QSOX1: variants seen among roughly 807,000 people sequenced by gnomAD.
QSOX1 encodes sulfhydryl oxidase 1.
A neutral mutation model predicts 76.1 loss-of-function variants in QSOX1; 40 were observed. The ratio of observed to expected loss-of-function variants is 0.53; its 90% CI spans 0.41 to 0.68. The LOEUF (loss-of-function observed/expected upper bound fraction) is 0.68, where lower values mean the gene tolerates loss of function less well. Ranked by LOEUF, QSOX1 falls within the 30% of genes least tolerant of loss-of-function variation. The pLI is 0.00. For missense variants in QSOX1, 931 were observed against 974.3 expected, an observed-to-expected ratio of 0.96 and a Z score of 0.59; for synonymous variants, 392 against 413.1, an observed-to-expected ratio of 0.95 and a Z score of 0.62.
intron 2 of QSOX1, among the ~76,000 whole-genome samples, chr1:180,172,046 A>C (rs761620344): frequency 3.3e-5 from 5 of 152,192 alleles, no homozygotes; most frequent in Non-Finnish European, 7.4e-5. Context: ...GCCAGAGAGC[A>C]GTCTGAGGAG....
chr1:180,158,957 G>T (rs1335959139), intron 1 of QSOX1, among the ~76,000 whole-genome samples: 1 of 152,208 alleles, frequency 6.6e-6, no homozygotes, highest in East Asian at 1.9e-4. Context: ...AGCTCACGGT[G>T]CTGCAGCCAG....
chr1:180,170,158 C>T (rs142196774), intron 2 of QSOX1, among the ~76,000 whole-genome samples: 104 of 152,258 alleles, frequency 6.8e-4, no homozygotes, highest in African/African-American at 2.1e-3. Flanking sequence ...GAAGCAGGGA[C>T]GCCCTGTGAG....
At chr1:180,156,549 T>G (rs1019059272) in intron 1 of QSOX1, among the ~76,000 whole-genome samples, 4 of 152,222 alleles carry the variant, frequency 2.6e-5, no homozygotes, top group African/African-American at 9.6e-5. Context: ...GCTTGCAGAT[T>G]GGTTTCTGAA....
intron 7 of QSOX1, among the ~76,000 whole-genome samples, chr1:180,185,355 G>A (rs1394837391): frequency 6.6e-6 from 1 of 152,208 alleles, no homozygotes; most frequent in Non-Finnish European, 1.5e-5. Flanking sequence ...AAGAGACAGG[G>A]GAAGAGGCAC....
At chr1:180,162,245 C>G (rs1558183379) in intron 1 of QSOX1, among the ~76,000 whole-genome samples, 1 of 152,180 alleles carries the variant, frequency 6.6e-6, no homozygotes, top group Non-Finnish European at 1.5e-5. Flanking sequence ...GATTAAACAT[C>G]ATTTCTTGTT....
intron 11 of QSOX1, among the ~76,000 whole-genome samples, chr1:180,195,158 A>G (rs1205167226): frequency 1.3e-5 from 2 of 151,686 alleles, no homozygotes; most frequent in Non-Finnish European, 2.9e-5. Context: ...CCCTGCCACC[A>G]AATGCTCCAT....
At position 180,197,294 on chromosome 1, in the gene QSOX1, C is replaced by T. The variant is rs1186961660; in HGVS notation, c.*257C>T. The stretch of plus-strand genomic sequence containing the variant: ...CCCGGGCAGTGGGCATAGGGCAGCT[C>T]AGTCCCTGGCCTCTTAGCACCACAT... On this transcript the variant is annotated 3_prime_UTR_variant, in exon 12 of 12. Coordinates refer to ENST00000367602, the MANE Select transcript of QSOX1 (RefSeq NM_002826.5). The T allele has an allele frequency of 1.2e-6, 2 of 1,613,688 alleles. No individual in the cohort carries two copies. Among genetic ancestry groups the T allele is most frequent in the African/African-American group, 1.3e-5 (1 of 74,936 alleles).
At chr1:180,193,858 G>GCCAGGGGCTAGGT (rs1428351277) in intron 10 of QSOX1, among the ~76,000 whole-genome samples, 2 of 152,184 alleles carry the variant, frequency 1.3e-5, no homozygotes, top group African/African-American at 4.8e-5. Flanking sequence ...AGGGGCTAGG[G>GCCAGGGGCTAGGT]CGGTGGCCCT....
chr1:180,193,525 G>A (rs1239026607), intron 10 of QSOX1, among the ~76,000 whole-genome samples: 1 of 152,046 alleles, frequency 6.6e-6, no homozygotes, highest in African/African-American at 2.4e-5. Flanking sequence ...GTAGGAAGGA[G>A]CGAGCTTGGA....
intron 2 of QSOX1, among the ~76,000 whole-genome samples, chr1:180,169,283 G>A (rs1296705654): frequency 6.6e-6 from 1 of 152,210 alleles, no homozygotes; most frequent in Non-Finnish European, 1.5e-5. Flanking sequence ...TGGGCCTCAG[G>A]AGTGCCCTTC....
Position 180,196,575 on chromosome 1 carries a change from ACATGTG to A in QSOX1, c.1784_1789del (p.His595_Val596del), listed in dbSNP as rs773191661. On this transcript the variant is annotated inframe_deletion, in exon 12 of 12. Coordinates refer to ENST00000367602, the MANE Select transcript of QSOX1 (RefSeq NM_002826.5). This position sits in a 1 kb window ranked among gnomAD's most constrained non-coding sequence, Gnocchi z 4.1. The stretch of plus-strand genomic sequence containing the variant: ...TGAAGTCCCCCACAAACACCACCCC[ACATGTG>A]CCGGCTGAGGGACCTGAGGCAAGTC... The A allele has an allele frequency of 1.9e-6, 3 of 1,614,090 alleles. No homozygotes were observed. The South Asian group carries it at 3.3e-5, about 18-fold the overall frequency.
intron 2 of QSOX1, among the ~76,000 whole-genome samples, chr1:180,174,964 A>T (rs1218900172): frequency 6.6e-6 from 1 of 152,040 alleles, no homozygotes; most frequent in African/African-American, 2.4e-5. Context: ...AGCCTTGCCA[A>T]CACAGTGAAA....
chr1:180,196,128 T>A lies in QSOX1; in HGVS notation c.1469-134T>A. On this transcript the variant is annotated intron_variant, in intron 11 of 11. Coordinates refer to ENST00000367602, the MANE Select transcript of QSOX1 (RefSeq NM_002826.5). This position sits in a 1 kb window ranked among gnomAD's most constrained non-coding sequence, Gnocchi z 4.1. ...GTGTTTGTAATCTGTATTTTCTAATTACCCATCCTCTGGAAGGGCAGTGGC... is the reference window on the plus strand; with the variant it reads ...GTGTTTGTAATCTGTATTTTCTAATAACCCATCCTCTGGAAGGGCAGTGGC... The A allele has an allele frequency of 2.7e-6, 3 of 1,123,670 alleles. No individual in the cohort carries two copies. Among genetic ancestry groups the A allele is most frequent in the Non-Finnish European group, 3.7e-6 (3 of 800,608 alleles). The allele number at this position is 1,123,670 out of a possible 1,614,324, so 69.6% of individuals were successfully genotyped here.
At chr1:180,177,873 G>A (rs1662937907) in intron 4 of QSOX1, among the ~76,000 whole-genome samples, 1 of 87,016 alleles carries the variant, frequency 1.1e-5, no homozygotes, top group Non-Finnish European at 2.7e-5. Context: ...GTTTTGTTTT[G>A]TTTTGGATAT....
intron 2 of QSOX1, among the ~76,000 whole-genome samples, chr1:180,170,401 C>CCCAG (rs1220648629): frequency 1.3e-5 from 2 of 152,250 alleles, no homozygotes; most frequent in East Asian, 3.9e-4. Context: ...GGAGGCTGGA[C>CCCAG]CATTTTCCTT....
intron 2 of QSOX1, among the ~76,000 whole-genome samples, chr1:180,174,434 C>T (rs545764492): frequency 4.6e-5 from 7 of 152,326 alleles, no homozygotes; most frequent in South Asian, 4.1e-4. Context: ...CTCAGGTCCC[C>T]GCTTCAAGAG....
rs1408756293 is a variant in QSOX1, at chr1:180,183,795, T to C, written c.753-121T>C. On this transcript the variant is annotated intron_variant, in intron 6 of 11. Transcript: ENST00000367602. ...CACAGAGGACAAGATGGAATCTCGT[T>C]CACATATTTAATAAACCTTCCTGTC... The C allele has an allele frequency of 3.5e-6, 4 of 1,158,020 alleles. No individual in the cohort carries two copies. The South Asian group carries it at 4.5e-5, about 13-fold the overall frequency. 71.7% of individuals were successfully genotyped at this position (1,158,020 alleles called of 1,614,324 possible).
chr1:180,188,316 C>T lies in QSOX1; in HGVS notation c.1018-1236C>T, dbSNP rs1289965289. The stretch of plus-strand genomic sequence containing the variant: ...GTCCTGCCGGTGCCTTCCCACCCGG[C>T]CTCTCCCAGCCTGTGCTCCCTCCTG... On this transcript the variant is annotated intron_variant, in intron 8 of 11. Coordinates refer to ENST00000367602, the MANE Select transcript of QSOX1 (RefSeq NM_002826.5). Among the ~76,000 whole-genome samples the T allele has an allele frequency of 3.1e-4, 47 of 152,236 alleles. 1 individual carries two copies. The highest frequency in any genetic ancestry group is 3.1e-3 in the Admixed American group (47 of 15,294).
At chr1:180,190,175 A>G (rs779482965) in intron 9 of QSOX1, among the ~76,000 whole-genome samples, 1 of 152,196 alleles carries the variant, frequency 6.6e-6, no homozygotes, top group Non-Finnish European at 1.5e-5. Context: ...TCAAATCTCG[A>G]AGGGACCTCA....
Sources: gnomAD v4.1 joint callset for allele counts (sites outside exome capture counted in the v4.1 genomes callset) on GRCh38, gnomAD v4.1.1 for gene constraint, Gnocchi (gnomAD v3.1) non-coding constraint, MANE v1.5 for transcripts, NCBI Gene and HGNC (gene_info 2026-07-23, HGNC 2026-07-21) for gene names.